The following DCDC2C variants were observed in gnomAD, a reference collection of about 807,000 sequenced individuals.
The protein encoded by DCDC2C is doublecortin domain containing 2C.
In DCDC2C, 44 loss-of-function variants were observed where a neutral mutation model predicts 45.0. The ratio of observed to expected loss-of-function variants is 0.98; its 90% CI spans 0.77 to 1.26. DCDC2C has a LOEUF of 1.26. Ranked by LOEUF, DCDC2C falls within the 50% of genes most tolerant of loss-of-function variation. The probability of loss-of-function intolerance (pLI) is 0.00; values close to 1 mark genes in which losing one functional copy is unlikely to be tolerated. For synonymous variants in DCDC2C, 187 were observed against 178.8 expected (o/e 1.05, Z -0.37); for missense variants, 447 against 468.9 (o/e 0.95, Z 0.43).
At chr2:3,728,437 C>T (rs1668761540) in intron 3 of DCDC2C, among the ~76,000 whole-genome samples, 1 of 152,232 alleles carries the variant, frequency 6.6e-6, no homozygotes, top group African/African-American at 2.4e-5. Flanking sequence ...ACAGCAACCT[C>T]AGGGAACGTC....
intron 10 of DCDC2C, among the ~76,000 whole-genome samples, chr2:3,789,708 T>G (rs995566854): frequency 6.6e-6 from 1 of 152,234 alleles, no homozygotes; most frequent in African/African-American, 2.4e-5. Flanking sequence ...CCTTCTTTCC[T>G]GTCCAGGGGT....
chr2:3,747,881 G>T (rs939353720), intron 4 of DCDC2C, among the ~76,000 whole-genome samples: 2 of 152,338 alleles, frequency 1.3e-5, no homozygotes, highest in East Asian at 3.9e-4. Context: ...ACAGAGGAAT[G>T]AAGCAGGGCA....
chr2:3,760,731 G>A (rs753250770), intron 6 of DCDC2C, among the ~76,000 whole-genome samples: 4 of 152,022 alleles, frequency 2.6e-5, no homozygotes, highest in Admixed American at 6.6e-5. Flanking sequence ...TAATGCATGC[G>A]GGGCTTAAAA....
intron 2 of DCDC2C, 128 bp downstream of exon 2, chr2:3,708,728 A>G: frequency 1.5e-6 from 1 of 688,474 alleles, no homozygotes. Context: ...GTTGCTCTTG[A>G]AGCCAGAACA....
intron 2 of DCDC2C, among the ~76,000 whole-genome samples, chr2:3,713,672 G>A (rs898279019): frequency 2.6e-5 from 4 of 152,150 alleles, no homozygotes; most frequent in Admixed American, 2.0e-4. Context: ...CGAAATGTTG[G>A]GGACAACCTG....
chr2:3,715,312 C>T (rs1668320805), intron 2 of DCDC2C, among the ~76,000 whole-genome samples: 1 of 152,132 alleles, frequency 6.6e-6, no homozygotes, highest in Non-Finnish European at 1.5e-5. Context: ...TCCTACTAAA[C>T]TGCTCTCCTG....
rs375487629 is a variant in DCDC2C, at chr2:3,742,054, G to C, written c.545+6G>C. The C allele has an allele frequency of 2.2e-5, 34 of 1,532,276 alleles. No homozygotes were observed. Among genetic ancestry groups the C allele is most frequent in the East Asian group, 2.2e-4 (9 of 40,570 alleles). 94.9% of individuals were successfully genotyped at this position (1,532,276 alleles called of 1,614,324 possible). A position where few individuals can be genotyped will look rare whatever the true frequency, so the allele number is the denominator to read the frequency against. On this transcript the variant is annotated splice_donor_region_variant and intron_variant, in intron 4 of 10. Coordinates refer to ENST00000399143, the MANE Select transcript of DCDC2C (RefSeq NM_001287444.2). The stretch of plus-strand genomic sequence containing the variant: ...CCTCTAGGAGGCGTTCGGAAGTAAG[G>C]AGACTCTCGCCTTTAGGACAGCCAG...
intron 4 of DCDC2C, among the ~76,000 whole-genome samples, chr2:3,750,389 C>G (rs541528164): frequency 2.0e-5 from 3 of 152,278 alleles, no homozygotes; most frequent in African/African-American, 7.2e-5. Context: ...CTCCTGGATT[C>G]GCTGTTCCTT....
At chr2:3,729,729 T>A (rs1238262018) in intron 3 of DCDC2C, among the ~76,000 whole-genome samples, 1 of 151,942 alleles carries the variant, frequency 6.6e-6, no homozygotes, top group Non-Finnish European at 1.5e-5. Flanking sequence ...TATTTGTCAA[T>A]GCTCTAAGAA....
At chr2:3,745,520 T>G (rs1669335176) in intron 4 of DCDC2C, among the ~76,000 whole-genome samples, 1 of 152,216 alleles carries the variant, frequency 6.6e-6, no homozygotes, top group Non-Finnish European at 1.5e-5. Context: ...ATACTGAGCT[T>G]GAAGGAGTGA....
At chr2:3,704,153 G>C in intron 1 of DCDC2C, 115 bp downstream of exon 1, 3 of 1,017,612 alleles carry the variant, frequency 2.9e-6, no homozygotes, top group South Asian at 5.2e-5. Flanking sequence ...CCCGGCTCGG[G>C]CGCCCATCTT....
At chr2:3,799,378 A>G (rs184933435) in intron 10 of DCDC2C, among the ~76,000 whole-genome samples, 73,391 of 152,038 alleles carry the variant, frequency 0.48, 18,542 homozygotes, top group East Asian at 0.82. Flanking sequence ...CGTCAAAGTC[A>G]TTCTCCGTCC....
At chr2:3,820,400 A>C (rs756210019) in intron 10 of DCDC2C, among the ~76,000 whole-genome samples, 6 of 152,188 alleles carry the variant, frequency 3.9e-5, no homozygotes, top group Admixed American at 6.5e-5. Context: ...TGAAGCAGGC[A>C]AGCCCAGAGA....
intron 10 of DCDC2C, among the ~76,000 whole-genome samples, chr2:3,810,980 T>C (rs776419027): frequency 6.6e-6 from 1 of 152,186 alleles, no homozygotes; most frequent in Non-Finnish European, 1.5e-5. Flanking sequence ...TTGGTTACTG[T>C]AGCCTTGTAG....
chr2:3,727,240 T>C (rs891680191), intron 3 of DCDC2C, among the ~76,000 whole-genome samples, 161 bp downstream of exon 3: 1 of 151,974 alleles, frequency 6.6e-6, no homozygotes, highest in African/African-American at 2.4e-5. Flanking sequence ...TGATTTCTTT[T>C]TCCTAGACCA....
At chr2:3,755,549 GTA>G (rs1345998514) in intron 6 of DCDC2C, among the ~76,000 whole-genome samples, 4 of 151,330 alleles carry the variant, frequency 2.6e-5, no homozygotes, top group Non-Finnish European at 4.4e-5. Flanking sequence ...GTGTAGGGAT[GTA>G]TGTGTGTGCA....
intron 4 of DCDC2C, among the ~76,000 whole-genome samples, chr2:3,750,342 A>G (rs577248843): frequency 5.9e-5 from 9 of 152,234 alleles, no homozygotes; most frequent in African/African-American, 1.9e-4. Flanking sequence ...TGGTCCTTGT[A>G]TTTGGTCACC....
At chr2:3,838,045 G>C (rs1473236885) in intron 10 of DCDC2C, among the ~76,000 whole-genome samples, 1 of 152,216 alleles carries the variant, frequency 6.6e-6, no homozygotes, top group East Asian at 1.9e-4. Context: ...TTACTTGGAA[G>C]AGTGAGCTAC....
intron 3 of DCDC2C, among the ~76,000 whole-genome samples, chr2:3,731,482 T>C (rs968763306): frequency 6.6e-6 from 1 of 152,228 alleles, no homozygotes; most frequent in Non-Finnish European, 1.5e-5. Context: ...TTGCCTGTAC[T>C]GGTTGTGACA....
Sources: allele counts gnomAD v4.1 joint callset (sites outside exome capture counted in the v4.1 genomes callset), GRCh38; gene constraint gnomAD v4.1.1; transcripts MANE v1.5; gene names NCBI Gene and HGNC (gene_info 2026-07-23, HGNC 2026-07-21).